The following HMCN1 variants were observed in gnomAD, a reference collection of about 807,000 sequenced individuals.
HMCN1 encodes the protein hemicentin-1.
Under a neutral mutation model 625.9 loss-of-function variants are expected in HMCN1, and 321 were observed. The ratio of observed to expected loss-of-function variants is 0.51; its 90% CI spans 0.47 to 0.56. The LOEUF (loss-of-function observed/expected upper bound fraction) is 0.56, where lower values mean the gene tolerates loss of function less well. Among genes scored for constraint, HMCN1 ranks in the 20% least tolerant of loss-of-function variants. The pLI is 0.00. For synonymous variants in HMCN1, 2,425 were observed against 2,417.6 expected (o/e 1.00, Z -0.09); for missense variants, 6,588 against 6,887.3 (o/e 0.96, Z 1.54).
In HMCN1 at chr1:186,087,651, T is replaced by C; in HGVS notation, c.9363+6T>C. On this transcript the variant is annotated splice_donor_region_variant and intron_variant, in intron 60 of 106. Transcript: ENST00000271588. ...TACACATTAAGAAAGCTGAGGTGCA[T>C]CTTTTATTCTTGTTTGAGTGTCATG... is the stretch of plus-strand genomic sequence containing the variant. 6.2e-7 allele frequency: 1 copy of C among 1,612,164 alleles called. No homozygotes were observed. Among genetic ancestry groups the C allele is most frequent in the South Asian group, 1.1e-5 (1 of 91,014 alleles).
intron 105 of HMCN1, 21 bp from the exon 106 acceptor site, chr1:186,187,862 T>C (rs1558292930): frequency 1.9e-6 from 3 of 1,613,528 alleles, no homozygotes; most frequent in Non-Finnish European, 2.5e-6. Flanking sequence ...TGATGCTGCA[T>C]GTTCCCTGTG....
chr1:186,000,404 A>G (rs764915072), intron 26 of HMCN1, among the ~76,000 whole-genome samples, 165 bp downstream of exon 26: 5 of 152,102 alleles, frequency 3.3e-5, no homozygotes, highest in Non-Finnish European at 7.4e-5. Context: ...TTAAACTTTC[A>G]TGTAATTTTT....
chr1:186,155,064 C>T (rs1321805759), intron 97 of HMCN1, among the ~76,000 whole-genome samples: 1 of 152,138 alleles, frequency 6.6e-6, no homozygotes, highest in Non-Finnish European at 1.5e-5. Context: ...TTGCTGTGTG[C>T]CAGCTTTCCT....
In HMCN1 at chr1:186,038,989, C is replaced by T; in HGVS notation, c.6012C>T (p.Tyr2004=). The change falls in exon 38 of 107, where the codon TAC becomes TAT. Residue 2004 remains tyrosine, a synonymous_variant. Coordinates refer to ENST00000271588, the MANE Select transcript of HMCN1 (RefSeq NM_031935.3). ...CAGCTGGAGCTACAGAGTTATTTTA[C>T]AGTCTGCAAGTTCATGGTTAGTGCC... ...INSAGATELF[Y]SLQVHVAPSI... is the part of the protein sequence containing the mutation. 6.2e-7 allele frequency: 1 copy of T among 1,611,490 alleles called. No individual in the cohort carries two copies. The highest frequency in any genetic ancestry group is 8.5e-7 in the Non-Finnish European group (1 of 1,177,768).
At chr1:185,794,012 A>G (rs1045984786) in intron 1 of HMCN1, among the ~76,000 whole-genome samples, 4 of 152,172 alleles carry the variant, frequency 2.6e-5, no homozygotes, top group African/African-American at 9.7e-5. Flanking sequence ...TCTGACTTTA[A>G]TGGCATTAAT....
intron 78 of HMCN1, 148 bp from the exon 79 acceptor site, chr1:186,119,597 G>A (rs1386655528): frequency 1.8e-5 from 15 of 831,744 alleles, no homozygotes; most frequent in Non-Finnish European, 2.7e-5. Flanking sequence ...AAAGAATGCA[G>A]TGTGGCCAAC....
Position 186,137,866 on chromosome 1 carries a change from C to G in HMCN1, c.13818C>G (p.Asn4606Lys), listed in dbSNP as rs762056241. 6.2e-7 allele frequency: 1 copy of G among 1,614,036 alleles called. No individual in the cohort carries two copies. The highest frequency in any genetic ancestry group is 1.1e-5 in the South Asian group (1 of 91,084). The part of the protein sequence containing the change: ...EECTRSCGRG[N>K]QTRTRTCNNP... The stretch of plus-strand genomic sequence containing the variant: ...GCACAAGGAGCTGTGGACGCGGCAA[C>G]CAAACCAGGACCAGGACTTGCAATA... The change falls in exon 89 of 107, where the codon AAC becomes AAG. Residue 4606 changes from asparagine to lysine, a missense_variant. Around this residue, in one of 3 missense-constraint regions of HMCN1, gnomAD observed 1,954 missense variants for 2,013.1 expected, o/e 0.97. Coordinates refer to ENST00000271588, the MANE Select transcript of HMCN1 (RefSeq NM_031935.3).
chr1:186,136,375 G>A (rs955113317), intron 86 of HMCN1, among the ~76,000 whole-genome samples: 14 of 152,060 alleles, frequency 9.2e-5, no homozygotes, highest in Non-Finnish European at 4.4e-5. Context: ...AAGGACATGG[G>A]GCTCAGAGAG....
chr1:186,176,470 G>A (rs563939855), intron 103 of HMCN1, among the ~76,000 whole-genome samples: 8 of 152,242 alleles, frequency 5.3e-5, no homozygotes, highest in South Asian at 2.1e-4. Flanking sequence ...TCTGGTTTTC[G>A]TGTATTTAAG....
In HMCN1 at chr1:185,909,387, A is replaced by T; in HGVS notation, c.672A>T (p.Leu224Phe). The change falls in exon 5 of 107, where the codon TTA becomes TTT. Residue 224 changes from leucine (L) to phenylalanine (F), a missense_variant. Around this residue, in one of 3 missense-constraint regions of HMCN1, gnomAD observed 4,628 missense variants for 4,853.1 expected, o/e 0.95. Coordinates refer to ENST00000271588, the MANE Select transcript of HMCN1 (RefSeq NM_031935.3). ...EAVQASKVHL[L>F]STDHLEQAVN... ...TACAGGCCTCCAAAGTTCACCTTTTATCCACAGATCATTTGGAACAGGCTG... is the reference window on the plus strand; with the variant it reads ...TACAGGCCTCCAAAGTTCACCTTTTTTCCACAGATCATTTGGAACAGGCTG... 1.2e-6 allele frequency: 2 copies of T among 1,613,346 alleles called. No individual in the cohort carries two copies. Among genetic ancestry groups the T allele is most frequent in the Non-Finnish European group, 8.5e-7 (1 of 1,179,376 alleles).
At chr1:185,850,810 A>G (rs555379052) in intron 2 of HMCN1, among the ~76,000 whole-genome samples, 2 of 151,662 alleles carry the variant, frequency 1.3e-5, no homozygotes, top group East Asian at 3.9e-4. Context: ...CTTTCATAGG[A>G]TCCAAAAGGA....
At chr1:185,844,855 G>C (rs1166848608) in intron 1 of HMCN1, among the ~76,000 whole-genome samples, 1 of 152,096 alleles carries the variant, frequency 6.6e-6, no homozygotes, top group Non-Finnish European at 1.5e-5. Flanking sequence ...AGAAGCTCTG[G>C]GGATTGAAAT....
chr1:185,984,143 A>T (rs765075767), intron 18 of HMCN1, 26 bp from the exon 19 acceptor site: 3 of 1,603,434 alleles, frequency 1.9e-6, no homozygotes, highest in Non-Finnish European at 2.6e-6. Context: ...TTTTTAAATA[A>T]AAATTACCTT....
intron 9 of HMCN1, among the ~76,000 whole-genome samples, chr1:185,927,996 G>C (rs549232573): frequency 2.6e-5 from 4 of 151,964 alleles, no homozygotes; most frequent in Non-Finnish European, 5.9e-5. Flanking sequence ...ACATGATAGA[G>C]TTTAACTATA....
rs767566761 is a variant in HMCN1 at position 186,151,751 on chromosome 1, T to A, written c.14896+8T>A. 54 of 1,612,768 alleles carry A rather than the reference T, an allele frequency of 3.3e-5. No individual in the cohort carries two copies. Among genetic ancestry groups the A allele is most frequent in the Non-Finnish European group, 4.3e-5 (51 of 1,179,076 alleles). ...AAGTGGAATTTGCAACTGGTTAGTGTCAGCTGAATTTAATATTCTATTACT... is the reference window on the plus strand; with the variant it reads ...AAGTGGAATTTGCAACTGGTTAGTGACAGCTGAATTTAATATTCTATTACT... On this transcript the variant is annotated splice_region_variant and intron_variant, in intron 95 of 106. Transcript: ENST00000271588.
chr1:185,976,157 A>G (rs1651198300), intron 15 of HMCN1, among the ~76,000 whole-genome samples: 2 of 152,212 alleles, frequency 1.3e-5, no homozygotes, highest in Non-Finnish European at 2.9e-5. Context: ...GGAAGAAATC[A>G]TGCTCATCTC....
At chr1:185,947,181 C>T in intron 11 of HMCN1, among the ~76,000 whole-genome samples, 1 of 152,068 alleles carries the variant, frequency 6.6e-6, no homozygotes, top group East Asian at 1.9e-4. Context: ...AGCAATCTTC[C>T]CTCTGAGATT....
intron 1 of HMCN1, among the ~76,000 whole-genome samples, chr1:185,810,652 CTTTG>C (rs1659455006): frequency 8.3e-6 from 1 of 120,748 alleles, no homozygotes. Flanking sequence ...TAAATATCAA[CTTTG>C]TGTGTGTGTG....
intron 29 of HMCN1, among the ~76,000 whole-genome samples, chr1:186,005,741 C>T (rs1353347651): frequency 1.3e-5 from 2 of 152,116 alleles, no homozygotes; most frequent in Non-Finnish European, 2.9e-5. Flanking sequence ...ATAATGCTTA[C>T]TTTTTTGTTT....
Sources: allele counts gnomAD v4.1 joint callset (sites outside exome capture counted in the v4.1 genomes callset), GRCh38; gene constraint gnomAD v4.1.1; regional missense constraint gnomAD v4.1.1; transcripts MANE v1.5; gene names NCBI Gene and HGNC (gene_info 2026-07-23, HGNC 2026-07-21).